Variants in MEGF9 observed in about 807,000 individuals in gnomAD.
The protein encoded by MEGF9 is multiple epidermal growth factor-like domains protein 9.
Under a neutral mutation model 46.8 loss-of-function variants are expected in MEGF9, and 6 were observed. The ratio of observed to expected loss-of-function variants is 0.13; its 90% CI spans 0.07 to 0.25. MEGF9 has a LOEUF of 0.25. Ranked by LOEUF, MEGF9 falls within the 10% of genes least tolerant of loss-of-function variation. The pLI is 1.00. For synonymous variants in MEGF9, 302 were observed against 330.7 expected (o/e 0.91, Z 0.94); for missense variants, 683 against 792.4 (o/e 0.86, Z 1.66).
chr9:120,690,584 C>T (rs2043843813), intron 1 of MEGF9, among the ~76,000 whole-genome samples: 1 of 152,136 alleles, frequency 6.6e-6, no homozygotes, highest in Admixed American at 6.6e-5. Context: ...ACCAGGTCTG[C>T]TCAGACACCC....
intron 1 of MEGF9, among the ~76,000 whole-genome samples, chr9:120,676,533 T>C (rs890427793): frequency 1.3e-5 from 2 of 152,202 alleles, no homozygotes; most frequent in African/African-American, 2.4e-5. Context: ...TACAGACATT[T>C]TGATGAACTC....
At chr9:120,649,437 G>A (rs2043639698) in intron 2 of MEGF9, among the ~76,000 whole-genome samples, 2 of 152,168 alleles carry the variant, frequency 1.3e-5, no homozygotes, top group African/African-American at 2.4e-5. Flanking sequence ...AGATGTGCAT[G>A]TCAGGCTAAC....
chr9:120,698,837 C>T (rs1189614069), intron 1 of MEGF9, among the ~76,000 whole-genome samples: 1 of 152,148 alleles, frequency 6.6e-6, no homozygotes, highest in Non-Finnish European at 1.5e-5. Flanking sequence ...GTAATCATTA[C>T]CAGTTTCCTA....
intron 3 of MEGF9, among the ~76,000 whole-genome samples, chr9:120,615,088 A>C (rs749296573): frequency 1.6e-4 from 24 of 151,658 alleles, no homozygotes; most frequent in Non-Finnish European, 2.4e-4. Flanking sequence ...AAAAATACAA[A>C]ATTAGTCAGG....
chr9:120,706,070 C>T (rs2043927813), intron 1 of MEGF9, among the ~76,000 whole-genome samples: 1 of 152,172 alleles, frequency 6.6e-6, no homozygotes, highest in South Asian at 2.1e-4. Context: ...GCAGAATTCT[C>T]TCCACCCATA....
intron 1 of MEGF9, among the ~76,000 whole-genome samples, chr9:120,704,076 G>A (rs1004285156): frequency 3.3e-5 from 5 of 152,174 alleles, no homozygotes; most frequent in Admixed American, 2.0e-4. Flanking sequence ...GCTCACACCT[G>A]TAATCCCAGC....
chr9:120,630,789 T>G (rs916998747), intron 2 of MEGF9, among the ~76,000 whole-genome samples: 1 of 152,218 alleles, frequency 6.6e-6, no homozygotes, highest in Non-Finnish European at 1.5e-5. Flanking sequence ...ATTTGTATGT[T>G]TTTGTTTGAG....
intron 4 of MEGF9, among the ~76,000 whole-genome samples, chr9:120,611,566 G>A (rs2043445168): frequency 1.3e-5 from 2 of 152,074 alleles, no homozygotes; most frequent in South Asian, 4.1e-4. Context: ...GAAAAAGTAG[G>A]TTAGTGGTTG....
chr9:120,662,250 C>T (rs988914718), intron 1 of MEGF9, among the ~76,000 whole-genome samples: 2 of 152,182 alleles, frequency 1.3e-5, no homozygotes, highest in Non-Finnish European at 2.9e-5. Flanking sequence ...AGTCTAATAT[C>T]TTCATTATTC....
intron 1 of MEGF9, among the ~76,000 whole-genome samples, chr9:120,702,227 C>G (rs1010033287): frequency 4.6e-5 from 7 of 152,092 alleles, no homozygotes; most frequent in Non-Finnish European, 8.8e-5. Context: ...CATGAATAGT[C>G]TCCTTTATTC....
chr9:120,605,454 G>T lies in MEGF9; in HGVS notation c.1545C>A (p.Ile515=). The T allele has an allele frequency of 6.2e-7, 1 of 1,613,992 alleles. No homozygotes were observed. Among genetic ancestry groups the T allele is most frequent in the Non-Finnish European group, 8.5e-7 (1 of 1,179,892 alleles). The change falls in exon 6 of 6, where the codon ATC becomes ATA. Residue 515 remains isoleucine, a synonymous_variant. Coordinates refer to ENST00000373930, the MANE Select transcript of MEGF9 (RefSeq NM_001080497.3). The surrounding 1 kb of genome is among the most constrained non-coding windows in gnomAD (Gnocchi z 4.0). ...CAATGATGATGACTGTCAAAATGATGATGTTAAATTGGGTCCATGATACAT... is the reference window on the plus strand; with the variant it reads ...CAATGATGATGACTGTCAAAATGATTATGTTAAATTGGGTCCATGATACAT... ...LADVSWTQFN[I]IILTVIIIVV...
At chr9:120,675,178 A>C (rs193282333) in intron 1 of MEGF9, among the ~76,000 whole-genome samples, 2 of 152,332 alleles carry the variant, frequency 1.3e-5, no homozygotes, top group African/African-American at 4.8e-5. Context: ...CATAATCACC[A>C]AACATTGGAA....
intron 1 of MEGF9, among the ~76,000 whole-genome samples, chr9:120,703,263 C>T (rs945964139): frequency 1.3e-5 from 2 of 152,202 alleles, no homozygotes; most frequent in African/African-American, 4.8e-5. Flanking sequence ...TACCTACAAA[C>T]TGTTCCTTCT....
At chr9:120,624,357 A>G (rs1406168152) in intron 2 of MEGF9, among the ~76,000 whole-genome samples, 1 of 152,008 alleles carries the variant, frequency 6.6e-6, no homozygotes, top group East Asian at 1.9e-4. Flanking sequence ...CCCCTCAAGT[A>G]GCTGGGACTA....
chr9:120,634,127 C>G (rs1264906437), intron 2 of MEGF9, among the ~76,000 whole-genome samples: 1 of 152,108 alleles, frequency 6.6e-6, no homozygotes, highest in Non-Finnish European at 1.5e-5. Flanking sequence ...CAGTTTAAAT[C>G]AAATGTTTCC....
At chr9:120,677,497 G>T (rs1371856958) in intron 1 of MEGF9, among the ~76,000 whole-genome samples, 2 of 152,044 alleles carry the variant, frequency 1.3e-5, no homozygotes, top group Non-Finnish European at 2.9e-5. Flanking sequence ...AATGGTGTGG[G>T]GTAGGAGGGA....
At chr9:120,664,515 G>C (rs928004580) in intron 1 of MEGF9, among the ~76,000 whole-genome samples, 23 of 152,160 alleles carry the variant, frequency 1.5e-4, no homozygotes, top group Non-Finnish European at 2.6e-4. Flanking sequence ...AGTCATGATG[G>C]AAATCTCCTA....
chr9:120,675,847 C>T (rs2416795), intron 1 of MEGF9, among the ~76,000 whole-genome samples: 85,467 of 141,688 alleles, frequency 0.6, 27,728 homozygotes, highest in South Asian at 0.75. Context: ...GAGATCACGC[C>T]ATTGCACTCC....
intron 2 of MEGF9, among the ~76,000 whole-genome samples, chr9:120,641,498 T>C (rs1299013685): frequency 6.6e-6 from 1 of 152,224 alleles, no homozygotes; most frequent in African/African-American, 2.4e-5. Context: ...TTCTTAGTTC[T>C]AGTTTGCATC....
Sources: gnomAD v4.1 joint callset for allele counts (sites outside exome capture counted in the v4.1 genomes callset) on GRCh38, gnomAD v4.1.1 for gene constraint, Gnocchi (gnomAD v3.1) non-coding constraint, MANE v1.5 for transcripts, NCBI Gene and HGNC (gene_info 2026-07-23, HGNC 2026-07-21) for gene names.